PTPRG: variants seen among roughly 807,000 people sequenced by gnomAD.
PTPRG encodes receptor-type tyrosine-protein phosphatase gamma.
PTPRG carries 102 observed loss-of-function variants against 165.3 expected under a neutral mutation model. That is an observed-to-expected ratio of 0.62 (90% CI 0.53 to 0.73). The LOEUF (loss-of-function observed/expected upper bound fraction) is 0.73, where lower values mean the gene tolerates loss of function less well. PTPRG is among the 30% of genes least tolerant of loss of function. The probability of loss-of-function intolerance (pLI) is 0.00; values close to 1 mark genes in which losing one functional copy is unlikely to be tolerated. For synonymous variants in PTPRG, 675 were observed against 669.5 expected, an observed-to-expected ratio of 1.01 and a Z score of -0.13; for missense variants, 1,866 against 1,861.4, an observed-to-expected ratio of 1.00 and a Z score of -0.05.
chr3:61,951,962 AC>A (rs964143515), intron 2 of PTPRG, among the ~76,000 whole-genome samples: 1 of 152,012 alleles, frequency 6.6e-6, no homozygotes, highest in African/African-American at 2.4e-5. Context: ...TACTAAAAAT[AC>A]AAAAATTAGC....
intron 4 of PTPRG, among the ~76,000 whole-genome samples, chr3:62,059,653 C>A (rs1700741002): frequency 6.6e-6 from 1 of 152,104 alleles, no homozygotes; most frequent in African/African-American, 2.4e-5. Flanking sequence ...GCCTGAGAAA[C>A]ACGGCAAACC....
At position 61,562,221 on chromosome 3, in the gene PTPRG, C is replaced by G. The variant is rs912210671; in HGVS notation, c.-67C>G. ...CGCCCCGGCTTAGCGGAGGCTCGCA[C>G]GGAGGCAAGAACTTATTCAACAAGT... On this transcript the variant is annotated 5_prime_UTR_variant, in exon 1 of 30. Transcript: ENST00000474889. 1 of 1,454,076 alleles carries G rather than the reference C, an allele frequency of 6.9e-7. No homozygotes were observed. Among genetic ancestry groups the G allele is most frequent in the Non-Finnish European group, 9.6e-7 (1 of 1,036,436 alleles). The allele number at this position is 1,454,076 out of a possible 1,614,324, so 90.1% of individuals were successfully genotyped here.
Position 62,060,512 on chromosome 3 carries a change from T to C in PTPRG, c.520-17651T>C, listed in dbSNP as rs532084869. 1.3e-3 allele frequency among the ~76,000 whole-genome samples: 191 copies of C among 152,258 alleles called. 4 individuals are homozygous for C. The highest frequency in any genetic ancestry group is 1.4e-3 in the Non-Finnish European group (96 of 68,050). ...GCCAGTTACGTGGATGTGCTCACTC[T>C]GAGACTTCATTGAGATCACTCACAG... On this transcript the variant is annotated intron_variant, in intron 4 of 29. Transcript: ENST00000474889.
At chr3:62,125,736 T>G (rs903319890) in intron 5 of PTPRG, among the ~76,000 whole-genome samples, 4 of 151,828 alleles carry the variant, frequency 2.6e-5, no homozygotes, top group Admixed American at 6.6e-5. Flanking sequence ...GTGAAACAGT[T>G]TGCAACGTAG....
intron 5 of PTPRG, among the ~76,000 whole-genome samples, chr3:62,100,192 TA>T (rs1203389955): frequency 6.6e-6 from 1 of 152,052 alleles, no homozygotes; most frequent in East Asian, 1.9e-4. Flanking sequence ...TTACCCCAAA[TA>T]AGGTCCACAA....
chr3:62,058,427 T>C (rs1417498202), intron 4 of PTPRG, among the ~76,000 whole-genome samples: 1 of 152,096 alleles, frequency 6.6e-6, no homozygotes, highest in Non-Finnish European at 1.5e-5. Flanking sequence ...CACCTCAGTC[T>C]CTGAAAGTGT....
rs372059027 is a variant in PTPRG, at chr3:61,851,380, A to G, written c.190+102398A>G. On this transcript the variant is annotated intron_variant, in intron 2 of 29. Coordinates refer to ENST00000474889, the MANE Select transcript of PTPRG (RefSeq NM_002841.4). ...TGTTTGAATGGTTCCTCAAGAGAGGATCTAGTTGGGAAACATATTAACACA... is the reference window on the plus strand; with the variant it reads ...TGTTTGAATGGTTCCTCAAGAGAGGGTCTAGTTGGGAAACATATTAACACA... Among the ~76,000 whole-genome samples the G allele has an allele frequency of 2.0e-4, 30 of 152,298 alleles. 2 individuals carry two copies. The highest frequency in any genetic ancestry group is 7.2e-4 in the African/African-American group (30 of 41,554).
chr3:61,572,806 C>T (rs749312359), intron 1 of PTPRG, among the ~76,000 whole-genome samples: 3 of 152,338 alleles, frequency 2.0e-5, no homozygotes, highest in South Asian at 2.1e-4. Flanking sequence ...GGATGGGGCA[C>T]ACACCTGTCC....
chr3:62,186,643 G>A (rs969933284), intron 8 of PTPRG, among the ~76,000 whole-genome samples: 6 of 144,922 alleles, frequency 4.1e-5, no homozygotes, highest in African/African-American at 7.9e-5. Context: ...CAAAGCTCAC[G>A]GCAACCTTCA....
chr3:62,033,807 C>T (rs368710504), intron 4 of PTPRG, among the ~76,000 whole-genome samples: 2 of 152,012 alleles, frequency 1.3e-5, no homozygotes, highest in Non-Finnish European at 2.9e-5. Flanking sequence ...TCACTCTGTC[C>T]TCCGGGCTGG....
intron 2 of PTPRG, among the ~76,000 whole-genome samples, chr3:61,975,791 C>T (rs75944323): frequency 2.0e-5 from 3 of 152,250 alleles, no homozygotes; most frequent in Admixed American, 2.0e-4. Context: ...ATAATAATTC[C>T]TGTGGTCTGT....
intron 2 of PTPRG, among the ~76,000 whole-genome samples, chr3:61,834,170 A>G (rs940895700): frequency 6.6e-6 from 1 of 152,188 alleles, no homozygotes; most frequent in Admixed American, 6.5e-5. Flanking sequence ...TTTCTTTGAC[A>G]TGTTGCCTCT....
At position 62,297,333 on chromosome 3, in the gene PTPRG, C is replaced by T. The variant is rs143050189; in HGVS notation, c.*4026C>T. ...TCCAACATGTGTTATTTCTTTGAGGCAGTGATTGTGAAAGTTGGGTTTTCT... is the reference window on the plus strand; with the variant it reads ...TCCAACATGTGTTATTTCTTTGAGGTAGTGATTGTGAAAGTTGGGTTTTCT... On this transcript the variant is annotated 3_prime_UTR_variant, in exon 30 of 30. Coordinates refer to ENST00000474889, the MANE Select transcript of PTPRG (RefSeq NM_002841.4). 6.6e-6 allele frequency: 1 copy of T among 151,962 alleles called. No homozygotes were observed. The highest frequency in any genetic ancestry group is 2.4e-5 in the African/African-American group (1 of 41,500). 9.4% of individuals were successfully genotyped at this position (151,962 alleles called of 1,614,324 possible). A position where few individuals can be genotyped will look rare whatever the true frequency, so the allele number is the denominator to read the frequency against.
chr3:62,098,352 G>T (rs535739224), intron 5 of PTPRG, among the ~76,000 whole-genome samples: 1 of 152,260 alleles, frequency 6.6e-6, no homozygotes, highest in African/African-American at 2.4e-5. Context: ...AAGTAATCTA[G>T]AGATGAGTTA....
At chr3:62,039,340 AT>A (rs1218207099) in intron 4 of PTPRG, among the ~76,000 whole-genome samples, 2 of 151,962 alleles carry the variant, frequency 1.3e-5, no homozygotes, top group Non-Finnish European at 2.9e-5. Flanking sequence ...GTTAAAAAAA[AT>A]TTTTTTAAGC....
In PTPRG at chr3:61,965,421, G is replaced by C. The variant is rs192819159; in HGVS notation, c.191-24204G>C. Among the ~76,000 whole-genome samples, 163 of 151,124 alleles carry C rather than the reference G, an allele frequency of 1.1e-3. 1 individual carries two copies. Among genetic ancestry groups the C allele is most frequent in the African/African-American group, 3.8e-3 (156 of 41,054 alleles). On this transcript the variant is annotated intron_variant, in intron 2 of 29. Coordinates refer to ENST00000474889, the MANE Select transcript of PTPRG (RefSeq NM_002841.4). ...GAGAATGGCTTGAACCCAGGAGGTG[G>C]AGGTTGCAGTGAGCCAAGATCACGC...
Position 62,243,809 on chromosome 3 carries a change from A to G in PTPRG, c.2378A>G (p.Lys793Arg). ...ATGTTTTTCTCTTTTCTACACAGAA[A>G]ATGTTTTCAGACTGCTCATTTCTAT... ...SGERGEKGSR[K>R]CFQTAHFYVE... is the part of the protein sequence containing the mutation. Residue 793 changes from lysine (K) to arginine (R), a missense_variant and splice_region_variant, in exon 15 of 30, where the codon AAA becomes AGA. Transcript: ENST00000474889. 6.4e-7 allele frequency: 1 copy of G among 1,572,608 alleles called. No homozygotes were observed. Among genetic ancestry groups the G allele is most frequent in the South Asian group, 1.1e-5 (1 of 88,244 alleles).
intron 1 of PTPRG, among the ~76,000 whole-genome samples, chr3:61,631,433 T>C (rs181340790): frequency 6.6e-6 from 1 of 152,380 alleles, no homozygotes; most frequent in East Asian, 1.9e-4. Flanking sequence ...TTTGCTGCTA[T>C]ACCTGTTCTA....
At chr3:62,070,635 T>C (rs56909174) in intron 4 of PTPRG, among the ~76,000 whole-genome samples, 4,386 of 152,288 alleles carry the variant, frequency 0.029, 189 homozygotes, top group African/African-American at 0.095. Context: ...CTGGCCTCCT[T>C]AATACTAGCC....
Sources: allele counts gnomAD v4.1 joint callset (sites outside exome capture counted in the v4.1 genomes callset), GRCh38; gene constraint gnomAD v4.1.1; transcripts MANE v1.5; gene names NCBI Gene and HGNC (gene_info 2026-07-23, HGNC 2026-07-21).